The following ZNF280A variants were observed in gnomAD, a reference collection of about 807,000 sequenced individuals.
ZNF280A encodes the protein zinc finger protein 280A, also known as suppressor of hairy wing homolog 1.
ZNF280A carries 26 observed loss-of-function variants against 35.9 expected under a neutral mutation model. That is an observed-to-expected ratio of 0.72 (90% CI 0.53 to 1.01). The LOEUF (loss-of-function observed/expected upper bound fraction) is 1.01. ZNF280A is among the 50% of genes least tolerant of loss of function. ZNF280A has a pLI of 0.00. For synonymous variants in ZNF280A, 231 were observed against 232.9 expected (o/e 0.99, Z 0.07); for missense variants, 654 against 652.0 (o/e 1.00, Z -0.03).
rs747410666 is a variant in ZNF280A at position 22,515,450 on chromosome 22, T to C, written c.181A>G (p.Asn61Asp). The C allele has an allele frequency of 6.2e-7, 1 of 1,613,822 alleles. No homozygotes were observed. The stretch of plus-strand genomic sequence containing the variant: ...CCTGGGGTGACTCTGTTCAAAATGT[T>C]TGAAACGACTGGTTTTGAATTTGAA... ...MISNSKPVVSNILNRVTPGSN... is the reference protein window; with the variant it reads ...MISNSKPVVSDILNRVTPGSN... Residue 61 changes from asparagine to aspartate, a missense_variant, in exon 2 of 2, where the codon AAC becomes GAC. By Grantham distance (23) the Asn-to-Asp change is conservative. Transcript: ENST00000302097.
chr22:22,517,786 T>C (rs1385929701), intron 1 of ZNF280A, among the ~76,000 whole-genome samples: 8 of 151,748 alleles, frequency 5.3e-5, no homozygotes, highest in Non-Finnish European at 5.9e-5. Flanking sequence ...TCAGATCCTT[T>C]TGTGAGGATA....
intron 1 of ZNF280A, 103 bp from the exon 2 acceptor site, chr22:22,515,804 T>G: frequency 9.5e-7 from 1 of 1,049,586 alleles, no homozygotes; most frequent in Non-Finnish European, 1.3e-6. Context: ...TCAACATCTC[T>G]ATTTTACACG....
chr22:22,515,202 TG>T lies in ZNF280A; in HGVS notation c.428del (p.Pro143GlnfsTer6). 4 of 1,613,866 alleles carry T rather than the reference TG, an allele frequency of 2.5e-6. No homozygotes were observed. The highest frequency in any genetic ancestry group is 3.4e-6 in the Non-Finnish European group (4 of 1,179,968). On this transcript the variant is annotated frameshift_variant, in exon 2 of 2. Transcript: ENST00000302097. LOFTEE classifies it high-confidence loss of function. ...VSPSSSDSLPPGTQCLVGAMV... is the reference protein window; with the variant it reads ...VSPSSSDSLPXGTQCLVGAMV... Reference sequence around the variant, plus strand: ...TAGCTCCAACTAGACACTGAGTCCCTGGGGGGAGCGAGTCTGAGGAACTGGG... The same window carrying T: ...TAGCTCCAACTAGACACTGAGTCCCTGGGGGAGCGAGTCTGAGGAACTGGG...
In ZNF280A at chr22:22,514,983, T is replaced by C; in HGVS notation, c.648A>G (p.Ser216=). The change falls in exon 2 of 2, where the codon TCA becomes TCG. Residue 216 remains serine (S), a synonymous_variant. Coordinates refer to ENST00000302097, the MANE Select transcript of ZNF280A (RefSeq NM_080740.5). The part of the protein sequence containing the change: ...TNTPSQGICN[S]SNHVQNGVTF... ...TTACTCCATTCTGAACATGGTTTGA[T>C]GAGTTGCAGATCCCCTGTGAGGGTG... 6.2e-7 allele frequency: 1 copy of C among 1,613,940 alleles called. No homozygotes were observed. The highest frequency in any genetic ancestry group is 8.5e-7 in the Non-Finnish European group (1 of 1,179,978).
At chr22:22,517,249 T>C (rs913111205) in intron 1 of ZNF280A, among the ~76,000 whole-genome samples, 1 of 151,902 alleles carries the variant, frequency 6.6e-6, no homozygotes, top group East Asian at 2.0e-4. Context: ...CTACAAAAAA[T>C]TTAAAAATAT....
Position 22,513,803 on chromosome 22 carries a change from C to A in ZNF280A, c.*199G>T. The A allele has an allele frequency of 1.9e-6, 1 of 526,542 alleles. No homozygotes were observed. 32.6% of individuals were successfully genotyped at this position (526,542 alleles called of 1,614,324 possible). On this transcript the variant is annotated 3_prime_UTR_variant, in exon 2 of 2. Transcript: ENST00000302097. ...CCTCTGAGGTCAGAATAAGGGATGC[C>A]CTGTTGGGAGCATTTGACTGGGAAA...
At chr22:22,518,018 G>A (rs1255252213) in intron 1 of ZNF280A, among the ~76,000 whole-genome samples, 4 of 150,972 alleles carry the variant, frequency 2.6e-5, no homozygotes, top group African/African-American at 9.7e-5. Context: ...TCCGCCCCGC[G>A]GGGTTCACGC....
Sources: allele counts gnomAD v4.1 joint callset (sites outside exome capture counted in the v4.1 genomes callset), GRCh38; gene constraint gnomAD v4.1.1; transcripts MANE v1.5; gene names NCBI Gene and HGNC (gene_info 2026-07-23, HGNC 2026-07-21).